LIN54: variants seen among roughly 807,000 people sequenced by gnomAD.
The protein encoded by LIN54 is lin-54 DREAM MuvB core complex component.
In LIN54, 9 loss-of-function variants were observed where a neutral mutation model predicts 78.7. The observed-to-expected ratio is 0.11, with a 90% CI of 0.07 to 0.20. LIN54 has a LOEUF of 0.20. Among genes scored for constraint, LIN54 ranks in the 10% least tolerant of loss-of-function variants. The pLI, the probability that LIN54 is intolerant of heterozygous loss-of-function variation, is 1.00. For synonymous variants in LIN54, 269 were observed against 318.4 expected (o/e 0.84, Z 1.65); for missense variants, 573 against 889.9 (o/e 0.64, Z 4.53).
At chr4:82,996,881 G>A (rs1728273884) in intron 1 of LIN54, among the ~76,000 whole-genome samples, 1 of 151,382 alleles carries the variant, frequency 6.6e-6, no homozygotes, top group African/African-American at 2.4e-5. Context: ...AATGTATTAG[G>A]GAAAAAAAAA....
chr4:82,979,891 G>A (rs757591562), intron 2 of LIN54, among the ~76,000 whole-genome samples: 7 of 134,146 alleles, frequency 5.2e-5, no homozygotes, highest in Non-Finnish European at 6.2e-5. Context: ...AGTCGAGATT[G>A]CACCACTGCA....
At chr4:82,981,085 A>G (rs1726594272) in intron 2 of LIN54, among the ~76,000 whole-genome samples, 1 of 152,176 alleles carries the variant, frequency 6.6e-6, no homozygotes, top group Non-Finnish European at 1.5e-5. Context: ...ATTAAGTAAA[A>G]CAAAGCATCA....
chr4:82,968,924 A>T (rs1218794810), intron 4 of LIN54, among the ~76,000 whole-genome samples: 1 of 152,226 alleles, frequency 6.6e-6, no homozygotes, highest in Admixed American at 6.5e-5. Flanking sequence ...TCAAGTCTGG[A>T]GAGATGAAAA....
intron 3 of LIN54, among the ~76,000 whole-genome samples, chr4:82,973,730 C>T (rs566045166): frequency 6.6e-6 from 1 of 152,294 alleles, no homozygotes; most frequent in South Asian, 2.1e-4. Context: ...TGTCAGGTGG[C>T]TGGTATCTAC....
intron 1 of LIN54, among the ~76,000 whole-genome samples, chr4:82,995,293 C>T (rs1728095702): frequency 6.6e-6 from 1 of 151,598 alleles, no homozygotes; most frequent in African/African-American, 2.4e-5. Context: ...GGGTAAGATC[C>T]TGTCTCTGGG....
chr4:83,004,180 G>A (rs1287032783), intron 1 of LIN54, among the ~76,000 whole-genome samples: 5 of 151,910 alleles, frequency 3.3e-5, no homozygotes, highest in African/African-American at 9.7e-5. Context: ...GACAGATTGC[G>A]AGGTCAGGAG....
At chr4:83,004,221 C>T (rs1433872047) in intron 1 of LIN54, among the ~76,000 whole-genome samples, 1 of 151,838 alleles carries the variant, frequency 6.6e-6, no homozygotes, top group Non-Finnish European at 1.5e-5. Context: ...TACAGTGACA[C>T]CCCGTCTCTA....
intron 1 of LIN54, among the ~76,000 whole-genome samples, chr4:82,988,816 T>C (rs1026974991): frequency 2.0e-5 from 3 of 152,198 alleles, no homozygotes; most frequent in African/African-American, 2.4e-5. Context: ...TTAATGACTC[T>C]AGCCTCTTTT....
chr4:83,007,554 C>T lies in LIN54; in HGVS notation c.-33+2930G>A, dbSNP rs542757112. On this transcript the variant is annotated intron_variant, in intron 1 of 12. Transcript: ENST00000340417. Reference sequence around the variant, plus strand: ...TTATTTTCCTGTTTATCTAAATTAGCTTCTCCTCCTGATTTCTCTGTGGTT... The same window carrying T: ...TTATTTTCCTGTTTATCTAAATTAGTTTCTCCTCCTGATTTCTCTGTGGTT... 8.5e-5 allele frequency among the ~76,000 whole-genome samples: 13 copies of T among 152,178 alleles called. No individual in the cohort carries two copies. The South Asian group carries it at 2.7e-3, about 32-fold the overall frequency.
chr4:82,975,784 G>A (rs1039897173), intron 3 of LIN54, among the ~76,000 whole-genome samples: 1 of 151,926 alleles, frequency 6.6e-6, no homozygotes, highest in Non-Finnish European at 1.5e-5. Context: ...TAAGGGGTAT[G>A]GGGAGACAGA....
At chr4:82,955,855 T>C (rs556150131) in intron 4 of LIN54, among the ~76,000 whole-genome samples, 1 of 152,156 alleles carries the variant, frequency 6.6e-6, no homozygotes, top group East Asian at 1.9e-4. Flanking sequence ...TGAAATGACA[T>C]GATTAACCTA....
chr4:83,008,052 C>A (rs1006334538), intron 1 of LIN54, among the ~76,000 whole-genome samples: 1 of 152,138 alleles, frequency 6.6e-6, no homozygotes, highest in Non-Finnish European at 1.5e-5. Flanking sequence ...ACTCCTGAAG[C>A]CTACTATGGT....
intron 1 of LIN54, among the ~76,000 whole-genome samples, chr4:82,991,882 T>C (rs1727745397): frequency 6.6e-6 from 1 of 152,214 alleles, no homozygotes; most frequent in African/African-American, 2.4e-5. Context: ...TTTGCTAATA[T>C]TTTGTTAAAC....
chr4:82,999,433 CT>C (rs1728543552), intron 1 of LIN54, among the ~76,000 whole-genome samples: 1 of 152,090 alleles, frequency 6.6e-6, no homozygotes, highest in Non-Finnish European at 1.5e-5. Flanking sequence ...AAACCTTGCA[CT>C]TTTAGCAAAT....
rs753739365 is a variant in LIN54 at position 82,984,285 on chromosome 4, G to T, written c.560C>A (p.Thr187Asn). 8 of 1,614,100 alleles carry T rather than the reference G, an allele frequency of 5.0e-6. No individual in the cohort carries two copies. Among genetic ancestry groups the T allele is most frequent in the Middle Eastern group, 1.6e-4 (1 of 6,062 alleles). Residue 187 changes from threonine to asparagine, a missense_variant, in exon 2 of 13, where the codon ACC (threonine) becomes AAC (asparagine). Coordinates refer to ENST00000340417, the MANE Select transcript of LIN54 (RefSeq NM_194282.4). ...TTTCACCTCTGGCCTCCCTCCAATGGTAACTACTTTAATTTGCTGCGGTGG... is the reference window on the plus strand; with the variant it reads ...TTTCACCTCTGGCCTCCCTCCAATGTTAACTACTTTAATTTGCTGCGGTGG... ...KLPPQQIKVV[T>N]IGGRPEVKPV...
intron 4 of LIN54, among the ~76,000 whole-genome samples, chr4:82,954,838 A>T (rs1167075029): frequency 6.6e-6 from 1 of 152,224 alleles, no homozygotes; most frequent in South Asian, 2.1e-4. Flanking sequence ...ATCTAGACAC[A>T]GACCTTACAC....
chr4:83,011,021 A>C (rs1247654349), upstream of LIN54, among the ~76,000 whole-genome samples: 2 of 152,160 alleles, frequency 1.3e-5, no homozygotes, highest in African/African-American at 4.8e-5. Context: ...AAGTCGCGCC[A>C]CCTGCGGGGT....
At chr4:82,942,881 CACACACACA>C (rs1723043938) in intron 5 of LIN54, among the ~76,000 whole-genome samples, 1 of 151,826 alleles carries the variant, frequency 6.6e-6, no homozygotes, top group Admixed American at 6.6e-5. Flanking sequence ...CACACACACA[CACACACACA>C]CACCCTCCCT....
intron 3 of LIN54, among the ~76,000 whole-genome samples, chr4:82,971,892 A>G (rs994120425): frequency 3.3e-5 from 5 of 152,216 alleles, no homozygotes; most frequent in Admixed American, 6.5e-5. Flanking sequence ...TTTAGATACT[A>G]TGATTAAACT....
Sources: gnomAD v4.1 joint callset for allele counts (sites outside exome capture counted in the v4.1 genomes callset) on GRCh38, gnomAD v4.1.1 for gene constraint, MANE v1.5 for transcripts, NCBI Gene and HGNC (gene_info 2026-07-23, HGNC 2026-07-21) for gene names.